The following ASAP2 variants were observed in gnomAD, a reference collection of about 807,000 sequenced individuals.
ASAP2 encodes ArfGAP with SH3 domain, ankyrin repeat and PH domain 2.
In ASAP2, 45 loss-of-function variants were observed where a neutral mutation model predicts 131.4. The observed-to-expected ratio is 0.34, with a 90% CI of 0.27 to 0.44. The LOEUF (loss-of-function observed/expected upper bound fraction) is 0.44, where lower values mean the gene tolerates loss of function less well. Ranked by LOEUF, ASAP2 falls within the 20% of genes least tolerant of loss-of-function variation. ASAP2 has a pLI of 1.00. For missense variants in ASAP2, 1,011 were observed against 1,297.0 expected (o/e 0.78, Z 3.39); for synonymous variants, 510 against 503.0 (o/e 1.01, Z -0.19).
At chr2:9,344,455 A>G (rs1572506108) in intron 9 of ASAP2, 77 bp from the exon 10 acceptor site, 2 of 1,232,804 alleles carry the variant, frequency 1.6e-6, no homozygotes, top group East Asian at 4.7e-5. Context: ...CATTAGGCAT[A>G]AGTTTCCTTT....
intron 1 of ASAP2, among the ~76,000 whole-genome samples, chr2:9,210,713 C>T (rs1661474524): frequency 6.6e-6 from 1 of 151,982 alleles, no homozygotes. Flanking sequence ...CGCCACCATG[C>T]CCGGCTAATT....
chr2:9,222,090 T>C (rs1213087913), intron 1 of ASAP2, among the ~76,000 whole-genome samples: 1 of 152,220 alleles, frequency 6.6e-6, no homozygotes, highest in Non-Finnish European at 1.5e-5. Flanking sequence ...GCTGGCCTAT[T>C]GCTTTTTCTT....
rs1381395976 is a variant in ASAP2, at chr2:9,281,120, A to G, written c.199+1731A>G. The stretch of plus-strand genomic sequence containing the variant: ...GTTTCATTGACAAGCACCAGATTTC[A>G]AAAAGTATCTTGGAAGATTTTTTTT... On this transcript the variant is annotated intron_variant, in intron 2 of 27. Coordinates refer to ENST00000281419, the MANE Select transcript of ASAP2 (RefSeq NM_003887.3). The surrounding 1 kb of genome is among the most constrained non-coding windows in gnomAD (Gnocchi z 4.0). 6.6e-6 allele frequency among the ~76,000 whole-genome samples: 1 copy of G among 151,452 alleles called. No individual in the cohort carries two copies. Among genetic ancestry groups the G allele is most frequent in the Non-Finnish European group, 1.5e-5 (1 of 67,838 alleles).
At chr2:9,354,645 C>CA (rs566781964) in intron 12 of ASAP2, among the ~76,000 whole-genome samples, 11,707 of 73,648 alleles carry the variant, frequency 0.16, 1,210 homozygotes, top group African/African-American at 0.36. Flanking sequence ...GACTCCGTCT[C>CA]AAAAAAAAAA....
chr2:9,292,951 G>A (rs1667911806), intron 2 of ASAP2, among the ~76,000 whole-genome samples: 1 of 152,228 alleles, frequency 6.6e-6, no homozygotes, highest in African/African-American at 2.4e-5. Context: ...TCCTCACTGT[G>A]CTGTGGGCCA....
At chr2:9,319,960 C>T (rs981739759) in intron 4 of ASAP2, among the ~76,000 whole-genome samples, 1 of 152,176 alleles carries the variant, frequency 6.6e-6, no homozygotes, top group African/African-American at 2.4e-5. Flanking sequence ...GAAAGGTTGT[C>T]TTTCAGGATT....
chr2:9,244,882 G>T (rs971277559), intron 1 of ASAP2, among the ~76,000 whole-genome samples: 3 of 152,182 alleles, frequency 2.0e-5, no homozygotes, highest in African/African-American at 7.2e-5. Flanking sequence ...TGGTTTTTAT[G>T]ATTTGAGTCT....
chr2:9,331,751 G>A (rs901961576), intron 7 of ASAP2, among the ~76,000 whole-genome samples: 1 of 151,234 alleles, frequency 6.6e-6, no homozygotes, highest in Non-Finnish European at 1.5e-5. Flanking sequence ...CTGGGCGACA[G>A]AGCGATTTTT....
At chr2:9,255,084 G>A (rs1179521307) in intron 1 of ASAP2, among the ~76,000 whole-genome samples, 1 of 152,250 alleles carries the variant, frequency 6.6e-6, no homozygotes, top group East Asian at 1.9e-4. Context: ...CTTCCTCATC[G>A]GTGCTTGGCA....
intron 9 of ASAP2, among the ~76,000 whole-genome samples, chr2:9,341,017 A>G (rs1671539018): frequency 6.6e-6 from 1 of 152,190 alleles, no homozygotes; most frequent in Non-Finnish European, 1.5e-5. Context: ...AGGCTTTGTC[A>G]GTCGAGTTTA....
At chr2:9,339,207 G>T (rs1247843954) in intron 9 of ASAP2, among the ~76,000 whole-genome samples, 4 of 152,116 alleles carry the variant, frequency 2.6e-5, no homozygotes, top group African/African-American at 9.7e-5. Context: ...CTGGGGACGG[G>T]GCAGGAGTTA....
intron 12 of ASAP2, among the ~76,000 whole-genome samples, chr2:9,353,881 G>C (rs368297520): frequency 6.6e-6 from 1 of 151,736 alleles, no homozygotes; most frequent in East Asian, 1.9e-4. Flanking sequence ...AGGCTGAGGT[G>C]GGGGGATCAC....
chr2:9,333,792 C>T (rs1480961103), intron 7 of ASAP2, among the ~76,000 whole-genome samples: 1 of 152,218 alleles, frequency 6.6e-6, no homozygotes, highest in Non-Finnish European at 1.5e-5. Flanking sequence ...CCAGAGGCAG[C>T]ACTGAACACC....
chr2:9,369,040 C>T (rs1299660868), intron 16 of ASAP2, among the ~76,000 whole-genome samples: 2 of 148,758 alleles, frequency 1.3e-5, no homozygotes, highest in Non-Finnish European at 3.0e-5. Flanking sequence ...TTCTGGGAGA[C>T]GGAGTTTCAC....
At chr2:9,213,936 C>A (rs1287969215) in intron 1 of ASAP2, among the ~76,000 whole-genome samples, 2 of 152,178 alleles carry the variant, frequency 1.3e-5, no homozygotes, top group Non-Finnish European at 2.9e-5. Flanking sequence ...TGAAGCATAG[C>A]TGCATAGACT....
At chr2:9,208,952 C>T (rs904137348) in intron 1 of ASAP2, among the ~76,000 whole-genome samples, 1 of 152,154 alleles carries the variant, frequency 6.6e-6, no homozygotes, top group African/African-American at 2.4e-5. Context: ...TTAACACTGG[C>T]AGATGTTGGA....
At chr2:9,337,670 AGTGG>A (rs1671299502) in intron 9 of ASAP2, among the ~76,000 whole-genome samples, 1 of 152,194 alleles carries the variant, frequency 6.6e-6, no homozygotes, top group Non-Finnish European at 1.5e-5. Context: ...AGGAATGAAG[AGTGG>A]CCATTCCAGT....
chr2:9,334,594 A>T (rs1025851942), intron 7 of ASAP2, 144 bp from the exon 8 acceptor site: 15 of 656,556 alleles, frequency 2.3e-5, no homozygotes, highest in Admixed American at 1.3e-4. Context: ...GGTTTGCCTG[A>T]TATTTTAAGG....
intron 3 of ASAP2, among the ~76,000 whole-genome samples, chr2:9,303,262 G>A (rs1025300634): frequency 4.6e-5 from 7 of 152,216 alleles, no homozygotes; most frequent in Non-Finnish European, 8.8e-5. Context: ...CTTGGGGTAC[G>A]TGGGAATATC....
Sources: allele counts gnomAD v4.1 joint callset (sites outside exome capture counted in the v4.1 genomes callset), GRCh38; gene constraint gnomAD v4.1.1; non-coding constraint Gnocchi (gnomAD v3.1); transcripts MANE v1.5; gene names NCBI Gene and HGNC (gene_info 2026-07-23, HGNC 2026-07-21).